Variants in APBB2 observed in about 807,000 individuals in gnomAD.
APBB2 encodes Fe65-like 1.
In APBB2, 38 loss-of-function variants were observed where a neutral mutation model predicts 82.5. That is an observed-to-expected ratio of 0.46 (90% CI 0.36 to 0.60). APBB2 has a LOEUF of 0.60. APBB2 is among the 20% of genes least tolerant of loss of function. The pLI is 0.00. For synonymous variants in APBB2, 341 were observed against 368.2 expected (o/e 0.93, Z 0.85); for missense variants, 772 against 972.3 (o/e 0.79, Z 2.74).
intron 12 of APBB2, among the ~76,000 whole-genome samples, chr4:40,883,386 AGACCAGCCT>A (rs1189882850): frequency 6.6e-6 from 1 of 152,174 alleles, no homozygotes; most frequent in Non-Finnish European, 1.5e-5. Context: ...CAGCAGTTCA[AGACCAGCCT>A]GACCAACACG....
intron 2 of APBB2, among the ~76,000 whole-genome samples, chr4:41,104,868 A>G (rs1746640892): frequency 6.6e-6 from 1 of 152,170 alleles, no homozygotes; most frequent in South Asian, 2.1e-4. Context: ...TCTAGTGTGT[A>G]TATGTACCAC....
intron 10 of APBB2, among the ~76,000 whole-genome samples, chr4:40,901,909 A>ATATGTGTGTG (rs766567645): frequency 2.0e-4 from 29 of 145,538 alleles, no homozygotes; most frequent in African/African-American, 7.1e-4. Context: ...ATCCAAAATT[A>ATATGTGTGTG]TGTGTGTGTG....
chr4:40,840,675 C>T (rs892007537), intron 12 of APBB2, among the ~76,000 whole-genome samples: 1 of 152,162 alleles, frequency 6.6e-6, no homozygotes, highest in African/African-American at 2.4e-5. Context: ...TGGGTAAACA[C>T]ACAGGCTTAG....
chr4:41,207,089 C>T (rs1299846720), intron 1 of APBB2, among the ~76,000 whole-genome samples: 1 of 147,044 alleles, frequency 6.8e-6, no homozygotes, highest in Non-Finnish European at 1.5e-5. Context: ...GTTCCAACTA[C>T]TTGGGTAGCT....
chr4:40,907,348 CATATATATATATATATAT>C (rs56302731), intron 10 of APBB2, among the ~76,000 whole-genome samples: 5 of 97,332 alleles, frequency 5.1e-5, no homozygotes, highest in African/African-American at 2.0e-4. Flanking sequence ...TAATATATTA[CATATATATATATATATAT>C]ATATATATAT....
chr4:41,010,561 T>A (rs959138122), intron 6 of APBB2, among the ~76,000 whole-genome samples: 3 of 152,106 alleles, frequency 2.0e-5, no homozygotes, highest in African/African-American at 7.2e-5. Flanking sequence ...AGAGTCCCAG[T>A]AGGTAGACTG....
chr4:41,205,902 G>A (rs73809653), intron 1 of APBB2, among the ~76,000 whole-genome samples: 8,099 of 152,186 alleles, frequency 0.053, 247 homozygotes, highest in Middle Eastern at 0.13. Flanking sequence ...TTTGTCATAT[G>A]GCTATTAAAT....
chr4:41,069,074 G>A (rs935405885), intron 3 of APBB2, among the ~76,000 whole-genome samples: 5 of 152,090 alleles, frequency 3.3e-5, no homozygotes, highest in East Asian at 1.9e-4. Context: ...GATTACAGGC[G>A]TGAGCCACCA....
intron 2 of APBB2, among the ~76,000 whole-genome samples, chr4:41,128,967 A>C (rs933571071): frequency 6.6e-6 from 1 of 152,052 alleles, no homozygotes; most frequent in Admixed American, 6.5e-5. Flanking sequence ...TCTACCCCTA[A>C]GCCCCAGTGA....
intron 3 of APBB2, among the ~76,000 whole-genome samples, chr4:41,067,229 G>C (rs1443188617): frequency 6.6e-6 from 1 of 152,120 alleles, no homozygotes; most frequent in African/African-American, 2.4e-5. Context: ...GACCAACAGG[G>C]AGAAACCCCA....
In APBB2 at chr4:41,214,494, T is replaced by C. The variant is rs1459040785; in HGVS notation, c.-506A>G. 8 of 152,306 alleles carry C rather than the reference T, an allele frequency of 5.3e-5. No individual in the cohort carries two copies. The highest frequency in any genetic ancestry group is 8.8e-5 in the Non-Finnish European group (6 of 68,134). The allele number at this position is 152,306 out of a possible 1,614,324, so 9.4% of individuals were successfully genotyped here. A position where few individuals can be genotyped will look rare whatever the true frequency, so the allele number is the denominator to read the frequency against. ...CCCGGAGCGCCCAGATCAGATGCGG[T>C]TACAGCGCACTAGCTTCCTACTTGA... On this transcript the variant is annotated 5_prime_UTR_variant, in exon 1 of 18. Transcript: ENST00000508593.
chr4:41,005,031 T>C (rs1156437949), intron 6 of APBB2, among the ~76,000 whole-genome samples: 2 of 152,132 alleles, frequency 1.3e-5, no homozygotes, highest in African/African-American at 2.4e-5. Flanking sequence ...CCCATGGATG[T>C]AGAGCTGTTC....
rs201919540 is a variant in APBB2, at chr4:41,014,293, C to T, written c.125G>A (p.Arg42Gln). 5.6e-5 allele frequency: 90 copies of T among 1,613,920 alleles called. No individual in the cohort carries two copies. Among genetic ancestry groups the T allele is most frequent in the Non-Finnish European group, 7.0e-5 (83 of 1,180,040 alleles). ...PATPPNTLNL[R>Q]SSHNELLNAE... ...GTTCAACAGTTCATTGTGGGAGGAT[C>T]GGAGGTTAAGGGTGTTTGGTGGTGT... Residue 42 changes from arginine (R) to glutamine (Q), a missense_variant, in exon 6 of 18, where the codon CGA (arginine) becomes CAA (glutamine). By Grantham distance (43) the Arg-to-Gln change is conservative (BLOSUM62 1). Coordinates refer to ENST00000508593, the MANE Select transcript of APBB2 (RefSeq NM_004307.2).
intron 12 of APBB2, among the ~76,000 whole-genome samples, chr4:40,861,777 CT>C (rs1762820367): frequency 6.6e-6 from 1 of 151,808 alleles, no homozygotes; most frequent in East Asian, 1.9e-4. Flanking sequence ...GTAGCTGTTA[CT>C]GTAGTAACTG....
chr4:40,968,430 C>T (rs1353042415), intron 6 of APBB2, among the ~76,000 whole-genome samples: 4 of 152,158 alleles, frequency 2.6e-5, no homozygotes, highest in Non-Finnish European at 5.9e-5. Context: ...CTTGTTGTGA[C>T]TACAGTGCTT....
intron 7 of APBB2, among the ~76,000 whole-genome samples, chr4:40,936,895 G>A (rs1340248458): frequency 6.6e-6 from 1 of 152,094 alleles, no homozygotes; most frequent in Non-Finnish European, 1.5e-5. Flanking sequence ...AAATGGGTGC[G>A]GGGTTTTGTA....
intron 12 of APBB2, among the ~76,000 whole-genome samples, chr4:40,834,435 C>T (rs774089160): frequency 1.4e-4 from 21 of 152,270 alleles, no homozygotes; most frequent in East Asian, 1.2e-3. Flanking sequence ...AACATACAAG[C>T]GATCGAATTT....
At chr4:40,855,822 G>A (rs535773754) in intron 12 of APBB2, among the ~76,000 whole-genome samples, 1 of 152,220 alleles carries the variant, frequency 6.6e-6, no homozygotes, top group South Asian at 2.1e-4. Context: ...GATAATACTG[G>A]CTGATGCTTT....
At chr4:41,106,019 A>T (rs767985123) in intron 2 of APBB2, among the ~76,000 whole-genome samples, 4 of 152,210 alleles carry the variant, frequency 2.6e-5, no homozygotes, top group Non-Finnish European at 5.9e-5. Context: ...ATACATTCAC[A>T]TATACATACC....
Sources: gnomAD v4.1 joint callset for allele counts (sites outside exome capture counted in the v4.1 genomes callset) on GRCh38, gnomAD v4.1.1 for gene constraint, MANE v1.5 for transcripts, NCBI Gene and HGNC (gene_info 2026-07-23, HGNC 2026-07-21) for gene names.